SSH2: variants seen among roughly 807,000 people sequenced by gnomAD.
The protein encoded by SSH2 is protein phosphatase Slingshot homolog 2.
Under a neutral mutation model 135.2 loss-of-function variants are expected in SSH2, and 37 were observed. The observed-to-expected ratio is 0.27, with a 90% CI of 0.21 to 0.36. The LOEUF (loss-of-function observed/expected upper bound fraction) is 0.36, where lower values mean the gene tolerates loss of function less well. Ranked by LOEUF, SSH2 falls within the 10% of genes least tolerant of loss-of-function variation. The pLI is 1.00. For synonymous variants in SSH2, 628 were observed against 646.2 expected (o/e 0.97, Z 0.43); for missense variants, 1,408 against 1,765.3 (o/e 0.80, Z 3.63).
intron 1 of SSH2, among the ~76,000 whole-genome samples, chr17:29,888,655 C>T (rs1354984381): frequency 6.6e-6 from 1 of 151,892 alleles, no homozygotes; most frequent in African/African-American, 2.4e-5. Context: ...AAAGTGACAG[C>T]CAGCTGCAAT....
At chr17:29,793,704 A>C (rs1467022706) in intron 3 of SSH2, 190 bp downstream of exon 3, 1 of 517,102 alleles carries the variant, frequency 1.9e-6, no homozygotes, top group Non-Finnish European at 3.5e-6. Flanking sequence ...AGCAATCCCA[A>C]GTAGCTGGAA....
intron 8 of SSH2, among the ~76,000 whole-genome samples, chr17:29,672,804 A>G (rs1207840022): frequency 6.6e-6 from 1 of 152,122 alleles, no homozygotes; most frequent in Admixed American, 6.5e-5. Context: ...CCTGGGTTCA[A>G]GTGATTCTCA....
intron 4 of SSH2, among the ~76,000 whole-genome samples, chr17:29,701,757 G>T (rs150685174): frequency 6.6e-6 from 1 of 151,646 alleles, no homozygotes; most frequent in Non-Finnish European, 1.5e-5. Flanking sequence ...TTTTAGTAGA[G>T]ACAGCGTTTC....
rs185543224 is a variant in SSH2 at position 29,746,196 on chromosome 17, T to C, written c.189-43134A>G. On this transcript the variant is annotated intron_variant, in intron 3 of 15. Coordinates refer to ENST00000540801, the MANE Select transcript of SSH2 (RefSeq NM_001282129.2). Reference sequence around the variant, plus strand: ...CATCTCTTAGGAAGAGAGATTTACATTGAGAATTCACATCCTGCCACAGAA... The same window carrying C: ...CATCTCTTAGGAAGAGAGATTTACACTGAGAATTCACATCCTGCCACAGAA... Among the ~76,000 whole-genome samples the C allele has an allele frequency of 1.2e-3, 180 of 152,190 alleles. 1 individual carries two copies. Among genetic ancestry groups the C allele is most frequent in the African/African-American group, 4.1e-3 (170 of 41,518 alleles).
chr17:29,635,115 T>G (rs929725116), intron 15 of SSH2, among the ~76,000 whole-genome samples: 11 of 151,486 alleles, frequency 7.3e-5, no homozygotes, highest in Non-Finnish European at 1.3e-4. Context: ...TGTTGGTCAG[T>G]CTGGTCTCGA....
At chr17:29,760,694 T>C (rs1269482980) in intron 3 of SSH2, among the ~76,000 whole-genome samples, 1 of 152,004 alleles carries the variant, frequency 6.6e-6, no homozygotes, top group Non-Finnish European at 1.5e-5. Flanking sequence ...AGAATGGTCC[T>C]TCTTTTTGTA....
At chr17:29,875,712 C>A (rs941077050) in intron 1 of SSH2, among the ~76,000 whole-genome samples, 3 of 152,150 alleles carry the variant, frequency 2.0e-5, no homozygotes, top group Non-Finnish European at 4.4e-5. Context: ...TCCCTTCAAC[C>A]TCCTCAAACA....
chr17:29,894,180 T>C (rs1260458308), intron 1 of SSH2, among the ~76,000 whole-genome samples: 2 of 152,086 alleles, frequency 1.3e-5, no homozygotes, highest in Non-Finnish European at 2.9e-5. Context: ...ATAATAATAA[T>C]TCCTAAGTAC....
chr17:29,888,188 T>C (rs1209135358), intron 1 of SSH2, among the ~76,000 whole-genome samples: 3 of 152,028 alleles, frequency 2.0e-5, no homozygotes, highest in Non-Finnish European at 4.4e-5. Flanking sequence ...CAGTGAGCCA[T>C]GATCATGCCA....
chr17:29,807,518 C>T (rs2042366614), intron 2 of SSH2, among the ~76,000 whole-genome samples: 1 of 152,170 alleles, frequency 6.6e-6, no homozygotes, highest in African/African-American at 2.4e-5. Flanking sequence ...AGGAGTTCAT[C>T]TGCCTGAAGG....
At chr17:29,729,637 T>C (rs898104426) in intron 3 of SSH2, among the ~76,000 whole-genome samples, 3 of 152,238 alleles carry the variant, frequency 2.0e-5, no homozygotes, top group African/African-American at 7.2e-5. Context: ...AAGTAACCTG[T>C]GTCCATCAAC....
At chr17:29,785,321 T>G (rs1011935057) in intron 3 of SSH2, among the ~76,000 whole-genome samples, 1 of 152,044 alleles carries the variant, frequency 6.6e-6, no homozygotes, top group Non-Finnish European at 1.5e-5. Flanking sequence ...CTCAAAGTAC[T>G]TTGTTTCCTA....
At chr17:29,670,946 A>C (rs2037467600) in intron 9 of SSH2, among the ~76,000 whole-genome samples, 1 of 152,192 alleles carries the variant, frequency 6.6e-6, no homozygotes, top group South Asian at 2.1e-4. Flanking sequence ...ATTAGAGCAA[A>C]AGAAACATCA....
intron 3 of SSH2, among the ~76,000 whole-genome samples, chr17:29,712,312 T>C (rs942132323): frequency 4.6e-4 from 70 of 152,194 alleles, no homozygotes; most frequent in Non-Finnish European, 9.3e-4. Context: ...TTAGTAGCTA[T>C]CTTTTTAGGA....
chr17:29,854,593 A>G (rs2065628326), intron 1 of SSH2, among the ~76,000 whole-genome samples: 1 of 151,812 alleles, frequency 6.6e-6, no homozygotes, highest in Non-Finnish European at 1.5e-5. Flanking sequence ...GAGGTTTTCA[A>G]GAGTGTAAAA....
At position 29,627,068 on chromosome 17, in the gene SSH2, A is replaced by G. The variant is rs1302136938; in HGVS notation, c.*3773T>C. ...AGCTTCAGCGTATACCCACTTACTCACAAGGGCTGACCATGATGGCCCTGC... is the reference window on the plus strand; with the variant it reads ...AGCTTCAGCGTATACCCACTTACTCGCAAGGGCTGACCATGATGGCCCTGC... On this transcript the variant is annotated 3_prime_UTR_variant, in exon 16 of 16. Transcript: ENST00000540801. 6.6e-6 allele frequency: 1 copy of G among 152,498 alleles called. No homozygotes were observed. The highest frequency in any genetic ancestry group is 1.5e-5 in the Non-Finnish European group (1 of 68,036). The allele number at this position is 152,498 out of a possible 1,614,324, so 9.4% of individuals were successfully genotyped here. A position where few individuals can be genotyped will look rare whatever the true frequency, so the allele number is the denominator to read the frequency against.
chr17:29,662,557 C>A (rs145713889), intron 11 of SSH2, among the ~76,000 whole-genome samples: 445 of 152,230 alleles, frequency 2.9e-3, no homozygotes, highest in Non-Finnish European at 5.3e-3. Flanking sequence ...ATAAAATAAT[C>A]CTTTCTATTA....
chr17:29,870,882 G>A (rs186444133), intron 1 of SSH2, among the ~76,000 whole-genome samples: 1 of 152,250 alleles, frequency 6.6e-6, no homozygotes, highest in East Asian at 1.9e-4. Context: ...CTTTCTTTTA[G>A]ATGGATATGA....
chr17:29,664,129 C>G (rs2037171319), intron 11 of SSH2, among the ~76,000 whole-genome samples: 1 of 152,134 alleles, frequency 6.6e-6, no homozygotes, highest in South Asian at 2.1e-4. Flanking sequence ...TGCCTGTAAT[C>G]CCGGCACTTT....
Sources: gnomAD v4.1 joint callset for allele counts (sites outside exome capture counted in the v4.1 genomes callset) on GRCh38, gnomAD v4.1.1 for gene constraint, MANE v1.5 for transcripts, NCBI Gene and HGNC (gene_info 2026-07-23, HGNC 2026-07-21) for gene names.